Variants in SF3B2 observed in about 807,000 individuals in gnomAD.
SF3B2 encodes splicing factor 3b subunit 2.
Under a neutral mutation model 116.3 loss-of-function variants are expected in SF3B2, and 22 were observed. That is an observed-to-expected ratio of 0.19 (90% CI 0.14 to 0.27). The LOEUF (loss-of-function observed/expected upper bound fraction) is 0.27, where lower values mean the gene tolerates loss of function less well. Ranked by LOEUF, SF3B2 falls within the 10% of genes least tolerant of loss-of-function variation. The pLI, the probability that SF3B2 is intolerant of heterozygous loss-of-function variation, is 1.00. For missense variants in SF3B2, 767 were observed against 1,151.4 expected (o/e 0.67, Z 4.83); for synonymous variants, 406 against 421.6 (o/e 0.96, Z 0.45).
Position 66,057,289 on chromosome 11 carries a change from G to A in SF3B2, c.691G>A (p.Gly231Ser). 1 of 1,609,440 alleles carries A rather than the reference G, an allele frequency of 6.2e-7. No individual in the cohort carries two copies. Residue 231 changes from glycine (G) to serine (S), a missense_variant, in exon 7 of 22, where the codon GGC becomes AGC. By Grantham distance (56) the Gly-to-Ser change is moderately conservative. Coordinates refer to ENST00000322535, the MANE Select transcript of SF3B2 (RefSeq NM_006842.3). ...PRVAAPVGPVGPTPTVLPMGA... is the reference protein window; with the variant it reads ...PRVAAPVGPVSPTPTVLPMGA... ...AGTAGCTGCTCCAGTGGGCCCAGTG[G>A]GCCCCACTCCTACAGTTTTGCCCAT...
intron 19 of SF3B2, chr11:66,067,364 TTTTAAGGTA>T (rs761767534): frequency 8.8e-6 from 4 of 455,876 alleles, no homozygotes; most frequent in South Asian, 6.2e-5. Context: ...CCGACATCCG[TTTTAAGGTA>T]TTTTCTCTGG....
In SF3B2 at chr11:66,052,438, G is replaced by A. The variant is rs575893273; in HGVS notation, c.54G>A (p.Pro18=). 1.9e-6 allele frequency: 3 copies of A among 1,613,390 alleles called. No individual in the cohort carries two copies. The highest frequency in any genetic ancestry group is 1.1e-5 in the South Asian group (1 of 91,066). ...AAGCAGAATTGCAGCTGCCGCCGCC[G>A]CCACCTCCAGGCCACTATGGCGCCT... ...PPKAELQLPP[P]PPPGHYGAWA... is the part of the protein sequence containing the mutation. Residue 18 remains proline (P), a synonymous_variant, in exon 1 of 22, where the codon CCG becomes CCA. Transcript: ENST00000322535.
intron 19 of SF3B2, chr11:66,064,654 C>T (rs1857149999): frequency 6.6e-6 from 1 of 152,102 alleles, no homozygotes; most frequent in Admixed American, 6.6e-5. Context: ...CATTTTTCCT[C>T]TGCCTGAAGG....
intron 3 of SF3B2, 119 bp from the exon 4 acceptor site, chr11:66,054,957 T>G: frequency 1.1e-6 from 1 of 927,146 alleles, no homozygotes; most frequent in Non-Finnish European, 1.6e-6. Context: ...TCTTATGGAG[T>G]GGTAACTATG....
At chr11:66,057,627 C>T (rs1857024888) in intron 7 of SF3B2, among the ~76,000 whole-genome samples, 1 of 152,064 alleles carries the variant, frequency 6.6e-6, no homozygotes, top group African/African-American at 2.4e-5. Flanking sequence ...CTCTCTGCTG[C>T]TTACATCACC....
Position 66,060,598 on chromosome 11 carries a change from T to G in SF3B2, c.1646T>G (p.Met549Arg). Residue 549 changes from methionine (M) to arginine (R), a missense_variant, in exon 14 of 22, where the codon ATG (methionine) becomes AGG (arginine). Physicochemically the swap from Met to Arg is moderately conservative, Grantham distance 91 (BLOSUM62 -1). This residue lies in a region of SF3B2 where 282 missense variants were observed against 568.0 expected (regional missense o/e 0.50). Coordinates refer to ENST00000322535, the MANE Select transcript of SF3B2 (RefSeq NM_006842.3). ...TCTCCACAGGAAGAACAGAAGACCA[T>G]GAAGTCAAAAATGCGAGAGAAAGTT... ...ALQEKEEQKT[M>R]KSKMREKVRP... The G allele has an allele frequency of 1.2e-6, 2 of 1,614,162 alleles. No individual in the cohort carries two copies. The highest frequency in any genetic ancestry group is 1.7e-6 in the Non-Finnish European group (2 of 1,180,026).
chr11:66,067,287 G>T, intron 19 of SF3B2: 2 of 404,540 alleles, frequency 4.9e-6, no homozygotes, highest in South Asian at 3.7e-5. Context: ...TCATGGTAAG[G>T]AGTTTGGATT....
At chr11:66,056,516 T>G (rs1856997155) in intron 5 of SF3B2, among the ~76,000 whole-genome samples, 1 of 151,974 alleles carries the variant, frequency 6.6e-6, no homozygotes, top group Admixed American at 6.6e-5. Context: ...AAAAGTTTCT[T>G]CTGTATAATT....
chr11:66,061,869 T>A (rs1435402989), intron 15 of SF3B2, 22 bp from the exon 16 acceptor site: 2 of 1,609,406 alleles, frequency 1.2e-6, no homozygotes, highest in Non-Finnish European at 8.5e-7. Flanking sequence ...GCAGATGGTA[T>A]CCTGTTCTCT....
intron 19 of SF3B2, 47 bp from the exon 20 acceptor site, chr11:66,067,899 C>G (rs754584051): frequency 1.3e-6 from 2 of 1,508,618 alleles, no homozygotes; most frequent in Non-Finnish European, 1.8e-6. Flanking sequence ...CTTCTGGAGA[C>G]CCTTTTGTCC....
Position 66,057,251 on chromosome 11 carries a change from T to A in SF3B2, c.668-15T>A, listed in dbSNP as rs979032461. 7 of 1,495,692 alleles carry A rather than the reference T, an allele frequency of 4.7e-6. No individual in the cohort carries two copies. The highest frequency in any genetic ancestry group is 5.6e-6 in the Non-Finnish European group (6 of 1,071,616). 92.7% of individuals were successfully genotyped at this position (1,495,692 alleles called of 1,614,324 possible). On this transcript the variant is annotated splice_polypyrimidine_tract_variant and intron_variant, in intron 6 of 21. Coordinates refer to ENST00000322535, the MANE Select transcript of SF3B2 (RefSeq NM_006842.3). ...TGCCTCTTCTGACATTGGATTTCTT[T>A]TTCCCGTCTCTTAGTAGCTGCTCCA...
chr11:66,052,499 A>T lies in SF3B2; in HGVS notation c.115A>T (p.Ile39Phe). The T allele has an allele frequency of 6.2e-7, 1 of 1,613,542 alleles. No individual in the cohort carries two copies. Among genetic ancestry groups the T allele is most frequent in the Non-Finnish European group, 8.5e-7 (1 of 1,179,676 alleles). ...AQELQAKLAE[I>F]GAPIQGNREE... ...GGAGCTTCAGGCCAAGTTGGCAGAGATCGGAGCTCCGATCCAGGGTGAGGA... is the reference window on the plus strand; with the variant it reads ...GGAGCTTCAGGCCAAGTTGGCAGAGTTCGGAGCTCCGATCCAGGGTGAGGA... The change falls in exon 1 of 22, where the codon ATC (isoleucine) becomes TTC (phenylalanine). Residue 39 changes from isoleucine to phenylalanine, a missense_variant. Around this residue, in one of 4 missense-constraint regions of SF3B2, gnomAD observed 455 missense variants for 537.5 expected, o/e 0.85. Transcript: ENST00000322535.
At position 66,056,906 on chromosome 11, in the gene SF3B2, C is replaced by T; in HGVS notation, c.618C>T (p.Pro206=). The T allele has an allele frequency of 6.2e-7, 1 of 1,614,158 alleles. No homozygotes were observed. The highest frequency in any genetic ancestry group is 8.5e-7 in the Non-Finnish European group (1 of 1,180,022). Residue 206 remains proline (P), a synonymous_variant, in exon 6 of 22, where the codon CCC becomes CCT. Coordinates refer to ENST00000322535, the MANE Select transcript of SF3B2 (RefSeq NM_006842.3). ...AGATGGGCACCCCAGTCCCTCGGCC[C>T]CCACAAGACATGGGCCAGATTGGTG... ...IAKMGTPVPR[P]PQDMGQIGVR... is the part of the protein sequence containing the mutation.
At chr11:66,065,773 C>A (rs1487525705) in intron 19 of SF3B2, 1 of 152,134 alleles carries the variant, frequency 6.6e-6, no homozygotes, top group Non-Finnish European at 1.5e-5. Flanking sequence ...CAATATAATT[C>A]TCCTTTCTAG....
At chr11:66,053,233 TG>T in intron 3 of SF3B2, 129 bp downstream of exon 3, 3 of 874,960 alleles carry the variant, frequency 3.4e-6, no homozygotes, top group Non-Finnish European at 1.9e-6. Context: ...CTGACCTGAG[TG>T]GGGAAAAAAA....
At chr11:66,068,582 C>A in intron 21 of SF3B2, 92 bp from the exon 22 acceptor site, 1 of 1,141,974 alleles carries the variant, frequency 8.8e-7, no homozygotes, top group African/African-American at 1.6e-5. Flanking sequence ...TTCCCACAGA[C>A]TTCTATGTCT....
rs200217972 is a variant in SF3B2 at position 66,063,608 on chromosome 11, G to A, written c.2229-20G>A. On this transcript the variant is annotated intron_variant, in intron 18 of 21. Transcript: ENST00000322535. Reference sequence around the variant, plus strand: ...TTGGGGTCCTTCTCTTTACTCCAGAGCTTGTTCCTCTCTTTACAGTGGCCT... The same window carrying A: ...TTGGGGTCCTTCTCTTTACTCCAGAACTTGTTCCTCTCTTTACAGTGGCCT... 6.8e-5 allele frequency: 110 copies of A among 1,610,542 alleles called. 1 individual carries two copies. In the Admixed American group the frequency reaches 1.5e-3, roughly 22 times the overall value.
chr11:66,056,986 G>A, intron 6 of SF3B2, 31 bp downstream of exon 6: 1 of 1,504,996 alleles, frequency 6.6e-7, no homozygotes, highest in African/African-American at 1.4e-5. Context: ...GGAAGGGCAA[G>A]GAAGGTGATT....
Position 66,060,790 on chromosome 11 carries a change from T to A in SF3B2, c.1779+59T>A. The A allele has an allele frequency of 2.0e-6, 3 of 1,486,280 alleles. No individual in the cohort carries two copies. The South Asian group carries it at 3.7e-5, about 18-fold the overall frequency. 92.1% of individuals were successfully genotyped at this position (1,486,280 alleles called of 1,614,324 possible). On this transcript the variant is annotated intron_variant, in intron 14 of 21. Transcript: ENST00000322535. ...CCTTGGGGTTGAGACTGTCTAGGGC[T>A]TTTTTTTGTTTGTTTGTTTGTTTAA...
Sources: gnomAD v4.1 joint callset for allele counts (sites outside exome capture counted in the v4.1 genomes callset) on GRCh38, gnomAD v4.1.1 for gene constraint, gnomAD v4.1.1 regional missense constraint, MANE v1.5 for transcripts, NCBI Gene and HGNC (gene_info 2026-07-23, HGNC 2026-07-21) for gene names.